Variants in PDSS2 observed in about 807,000 individuals in gnomAD.
PDSS2 encodes all trans-polyprenyl-diphosphate synthase PDSS2.
Under a neutral mutation model 44.5 loss-of-function variants are expected in PDSS2, and 31 were observed. The observed-to-expected ratio is 0.70, with a 90% CI of 0.52 to 0.94. The LOEUF is 0.94. Among genes scored for constraint, PDSS2 ranks in the 40% least tolerant of loss-of-function variants. The pLI is 0.00. For missense variants in PDSS2, 452 were observed against 482.2 expected (o/e 0.94, Z 0.59); for synonymous variants, 157 against 180.3 (o/e 0.87, Z 1.03).
At chr6:107,219,285 G>A (rs983968794) in intron 4 of PDSS2, among the ~76,000 whole-genome samples, 1 of 151,946 alleles carries the variant, frequency 6.6e-6, no homozygotes, top group Non-Finnish European at 1.5e-5. Flanking sequence ...ACACTTGCGT[G>A]AATTTATTTT....
rs373072092 is a variant in PDSS2, at chr6:107,189,866, C to T, written c.1041+3956G>A. ...GAGTCATAAAAAAAGCATCACCAGT[C>T]TGGGTAACAGCGAGACCTCGTTCCT... On this transcript the variant is annotated intron_variant, in intron 7 of 7. Coordinates refer to ENST00000369037, the MANE Select transcript of PDSS2 (RefSeq NM_020381.4). Among the ~76,000 whole-genome samples, 164 of 152,128 alleles carry T rather than the reference C, an allele frequency of 1.1e-3. 2 individuals carry two copies. The Middle Eastern group carries it at 0.02, about 19-fold the overall frequency.
chr6:107,177,000 A>C (rs115673468), intron 7 of PDSS2, among the ~76,000 whole-genome samples: 2,390 of 152,052 alleles, frequency 0.016, 61 homozygotes, highest in African/African-American at 0.054. Flanking sequence ...AACCAAAAAA[A>C]CCTGCATTTC....
intron 6 of PDSS2, among the ~76,000 whole-genome samples, chr6:107,206,612 G>GGAA (rs79983484): frequency 0.28 from 42,533 of 151,690 alleles, 6,184 homozygotes; most frequent in East Asian, 0.49. Flanking sequence ...GGACCACACT[G>GGAA]GAAGAAGAAT....
intron 4 of PDSS2, among the ~76,000 whole-genome samples, chr6:107,241,635 C>T (rs1031517658): frequency 3.9e-5 from 6 of 152,148 alleles, no homozygotes; most frequent in Non-Finnish European, 5.9e-5. Flanking sequence ...CGTAAGCCAC[C>T]GCACCCGGCT....
intron 2 of PDSS2, among the ~76,000 whole-genome samples, chr6:107,301,401 T>C (rs573195575): frequency 1.3e-5 from 2 of 152,324 alleles, no homozygotes; most frequent in Admixed American, 6.5e-5. Context: ...TATATTAATA[T>C]ATGGATACCT....
At chr6:107,361,746 G>GC (rs1330526064) in intron 1 of PDSS2, among the ~76,000 whole-genome samples, 1 of 152,150 alleles carries the variant, frequency 6.6e-6, no homozygotes, top group Non-Finnish European at 1.5e-5. Flanking sequence ...CCCTCAAAAT[G>GC]CAACTATAAA....
rs147377935 is a variant in PDSS2 at position 107,245,689 on chromosome 6, C to T, written c.631-70G>A. 7.9e-6 allele frequency: 8 copies of T among 1,006,508 alleles called. No homozygotes were observed. In the African/African-American group the frequency reaches 1.3e-4, roughly 16 times the overall value. The allele number at this position is 1,006,508 out of a possible 1,614,324, so 62.3% of individuals were successfully genotyped here. ...TCTCTATTGTTACCTCAGAATGTTTCAGAAGGCTCAGTGGCAAGGCAGAAT... is the reference window on the plus strand; with the variant it reads ...TCTCTATTGTTACCTCAGAATGTTTTAGAAGGCTCAGTGGCAAGGCAGAAT... On this transcript the variant is annotated intron_variant, in intron 3 of 7. Transcript: ENST00000369037.
At chr6:107,369,132 AG>A (rs1352251269) in intron 1 of PDSS2, among the ~76,000 whole-genome samples, 1 of 152,218 alleles carries the variant, frequency 6.6e-6, no homozygotes, top group African/African-American at 2.4e-5. Context: ...TTTAAAACAC[AG>A]AACAGGCCGG....
At chr6:107,421,444 T>C (rs553348984) in intron 1 of PDSS2, among the ~76,000 whole-genome samples, 1 of 152,236 alleles carries the variant, frequency 6.6e-6, no homozygotes, top group African/African-American at 2.4e-5. Context: ...CCCAAATGTT[T>C]ATGGTAAATG....
At chr6:107,359,405 T>C (rs1428169450) in intron 1 of PDSS2, among the ~76,000 whole-genome samples, 1 of 151,628 alleles carries the variant, frequency 6.6e-6, no homozygotes, top group Non-Finnish European at 1.5e-5. Context: ...GGTGGATCAC[T>C]TGAGGCCAGG....
At chr6:107,368,913 G>C (rs1391442011) in intron 1 of PDSS2, among the ~76,000 whole-genome samples, 2 of 152,218 alleles carry the variant, frequency 1.3e-5, no homozygotes, top group African/African-American at 4.8e-5. Flanking sequence ...ACTACTACCT[G>C]AACTTACGAT....
intron 6 of PDSS2, among the ~76,000 whole-genome samples, chr6:107,210,015 G>A (rs1468788353): frequency 6.6e-6 from 1 of 151,800 alleles, no homozygotes; most frequent in Non-Finnish European, 1.5e-5. Flanking sequence ...AGTATTCAGG[G>A]TCCAAGTTTG....
At chr6:107,192,983 A>T (rs1772432377) in intron 7 of PDSS2, among the ~76,000 whole-genome samples, 1 of 152,084 alleles carries the variant, frequency 6.6e-6, no homozygotes, top group African/African-American at 2.4e-5. Context: ...TTTGGAGTGC[A>T]GGTGTGCTCA....
chr6:107,186,783 A>G (rs1244058944), intron 7 of PDSS2, among the ~76,000 whole-genome samples: 2 of 152,210 alleles, frequency 1.3e-5, no homozygotes, highest in African/African-American at 4.8e-5. Context: ...TGCAAAGGAC[A>G]TGATCTCATG....
intron 1 of PDSS2, among the ~76,000 whole-genome samples, chr6:107,351,759 T>G (rs1351480967): frequency 6.6e-6 from 1 of 152,178 alleles, no homozygotes; most frequent in Non-Finnish European, 1.5e-5. Flanking sequence ...AGGTCTAATA[T>G]TCTCATATTT....
intron 1 of PDSS2, among the ~76,000 whole-genome samples, chr6:107,380,779 A>C (rs1423389433): frequency 2.6e-5 from 4 of 152,136 alleles, no homozygotes; most frequent in Non-Finnish European, 4.4e-5. Flanking sequence ...TATCTGATAA[A>C]TCTATTAAGA....
intron 1 of PDSS2, among the ~76,000 whole-genome samples, chr6:107,344,086 G>A (rs1400513564): frequency 6.6e-6 from 1 of 152,126 alleles, no homozygotes; most frequent in Non-Finnish European, 1.5e-5. Flanking sequence ...ATGAACTCCA[G>A]AGCCCTATGG....
chr6:107,302,519 C>T (rs924045147), intron 2 of PDSS2, among the ~76,000 whole-genome samples: 1 of 152,056 alleles, frequency 6.6e-6, no homozygotes, highest in Non-Finnish European at 1.5e-5. Context: ...CCTCCTGCCT[C>T]GGCCTTTCTA....
rs532555696 is a variant in PDSS2, at chr6:107,229,225, C to T, written c.702+16323G>A. On this transcript the variant is annotated intron_variant, in intron 4 of 7. Coordinates refer to ENST00000369037, the MANE Select transcript of PDSS2 (RefSeq NM_020381.4). ...TTTTTGAGACGTTGTCTTCCTCTGTCGCCCAGGCTGGAGTGCAATGGCGTG... is the reference window on the plus strand; with the variant it reads ...TTTTTGAGACGTTGTCTTCCTCTGTTGCCCAGGCTGGAGTGCAATGGCGTG... Among the ~76,000 whole-genome samples, 11 of 152,250 alleles carry T rather than the reference C, an allele frequency of 7.2e-5. No individual in the cohort carries two copies. The South Asian group carries it at 1.9e-3, about 26-fold the overall frequency.
Sources: gnomAD v4.1 joint callset for allele counts (sites outside exome capture counted in the v4.1 genomes callset) on GRCh38, gnomAD v4.1.1 for gene constraint, MANE v1.5 for transcripts, NCBI Gene and HGNC (gene_info 2026-07-23, HGNC 2026-07-21) for gene names.